SHPRH: variants seen among roughly 807,000 people sequenced by gnomAD.
SHPRH encodes the protein E3 ubiquitin-protein ligase SHPRH.
Under a neutral mutation model 202.5 loss-of-function variants are expected in SHPRH, and 106 were observed. The ratio of observed to expected loss-of-function variants is 0.52; its 90% CI spans 0.45 to 0.62. The LOEUF is 0.62. Among genes scored for constraint, SHPRH ranks in the 20% least tolerant of loss-of-function variants. The pLI is 0.00. For missense variants in SHPRH, 1,710 were observed against 2,020.0 expected, an observed-to-expected ratio of 0.85 and a Z score of 2.94; for synonymous variants, 729 against 686.0, an observed-to-expected ratio of 1.06 and a Z score of -0.98.
intron 1 of SHPRH, among the ~76,000 whole-genome samples, chr6:145,958,133 A>G (rs1232114471): frequency 6.6e-6 from 1 of 152,202 alleles, no homozygotes; most frequent in Non-Finnish European, 1.5e-5. Flanking sequence ...TGCAGAAAGT[A>G]GATGAGTGGT....
intron 2 of SHPRH, among the ~76,000 whole-genome samples, chr6:145,879,390 T>C (rs1021399734): frequency 1.3e-5 from 2 of 152,310 alleles, no homozygotes; most frequent in African/African-American, 4.8e-5. Context: ...CCATATATTT[T>C]GGGAGAAAGA....
chr6:145,905,760 T>G (rs1782905146), intron 25 of SHPRH: 1 of 152,036 alleles, frequency 6.6e-6, no homozygotes, highest in Admixed American at 6.6e-5. Flanking sequence ...GACTGTAAAA[T>G]GTATTCAGGG....
At chr6:145,896,684 T>C (rs1782040877) in intron 25 of SHPRH, among the ~76,000 whole-genome samples, 1 of 152,000 alleles carries the variant, frequency 6.6e-6, no homozygotes, top group African/African-American at 2.4e-5. Context: ...AAATCAAGAC[T>C]GAAATTACAT....
intron 8 of SHPRH, among the ~76,000 whole-genome samples, chr6:145,944,885 C>G (rs1163790132): frequency 6.6e-6 from 1 of 151,416 alleles, no homozygotes; most frequent in Non-Finnish European, 1.5e-5. Flanking sequence ...TAGTGAGAAC[C>G]CCGTCTCTAC....
At chr6:145,908,428 T>C (rs1783169924) in intron 25 of SHPRH, 1 of 152,174 alleles carries the variant, frequency 6.6e-6, no homozygotes, top group African/African-American at 2.4e-5. Context: ...CAGCATCTAT[T>C]GTTTGTTGAC....
intron 2 of SHPRH, among the ~76,000 whole-genome samples, chr6:145,871,970 G>A (rs1333604502): frequency 6.6e-6 from 1 of 152,126 alleles, no homozygotes; most frequent in Non-Finnish European, 1.5e-5. Context: ...TTAATAAATG[G>A]TGCTGGGAGA....
chr6:145,869,050 A>G (rs1321208616), intron 2 of SHPRH, among the ~76,000 whole-genome samples: 1 of 152,054 alleles, frequency 6.6e-6, no homozygotes, highest in East Asian at 1.9e-4. Flanking sequence ...ACCAGCGTTT[A>G]TTATTGTCAG....
At chr6:145,869,066 T>C (rs1032174710) in intron 2 of SHPRH, among the ~76,000 whole-genome samples, 5 of 152,212 alleles carry the variant, frequency 3.3e-5, no homozygotes, top group African/African-American at 4.8e-5. Flanking sequence ...GTCAGTGTTT[T>C]AGATTTTGGC....
downstream of SHPRH, among the ~76,000 whole-genome samples, chr6:145,882,133 C>G (rs1410005147): frequency 6.6e-6 from 1 of 151,642 alleles, no homozygotes; most frequent in South Asian, 2.1e-4. Flanking sequence ...AGATCTTTAT[C>G]TTGCTTGAAA....
At chr6:145,939,536 T>C (rs569833899) in intron 11 of SHPRH, among the ~76,000 whole-genome samples, 1 of 152,080 alleles carries the variant, frequency 6.6e-6, no homozygotes, top group African/African-American at 2.4e-5. Flanking sequence ...TCTCTCAACA[T>C]TAAAATGAGA....
chr6:145,889,443 G>T (rs954156470), intron 28 of SHPRH, among the ~76,000 whole-genome samples: 1 of 152,094 alleles, frequency 6.6e-6, no homozygotes, highest in Non-Finnish European at 1.5e-5. Context: ...TATATGACAG[G>T]TTGAGTATCC....
rs1787264296 is a variant in SHPRH at position 145,945,421 on chromosome 6, T to C, written c.1538A>G (p.Asn513Ser). ...GFSGTFTLGK[N>S]YKEEDICDKT... is the part of the protein sequence containing the mutation. Reference sequence around the variant, plus strand: ...ATCACATATATCCTCTTCCTTGTAATTCTTTCCCAATGTAAAAGTCCCAGA... The same window carrying C: ...ATCACATATATCCTCTTCCTTGTAACTCTTTCCCAATGTAAAAGTCCCAGA... The change falls in exon 8 of 30, where the codon AAT becomes AGT. Residue 513 changes from asparagine (N) to serine (S), a missense_variant. Coordinates refer to ENST00000275233, the MANE Select transcript of SHPRH (RefSeq NM_001042683.3). The C allele has an allele frequency of 6.2e-7, 1 of 1,612,766 alleles. No individual in the cohort carries two copies. Among genetic ancestry groups the C allele is most frequent in the Non-Finnish European group, 8.5e-7 (1 of 1,179,422 alleles).
chr6:145,889,736 A>C (rs1781424111), intron 28 of SHPRH, among the ~76,000 whole-genome samples: 1 of 152,226 alleles, frequency 6.6e-6, no homozygotes, highest in South Asian at 2.1e-4. Flanking sequence ...CAGGCAAAAC[A>C]CTTGAAGCAT....
intron 3 of SHPRH, among the ~76,000 whole-genome samples, chr6:145,950,919 G>A (rs1787911747): frequency 6.6e-6 from 1 of 152,044 alleles, no homozygotes. Flanking sequence ...AACTCAATGT[G>A]AATACTGTTT....
Position 145,940,717 on chromosome 6 carries a change from C to A in SHPRH, c.2569+6G>T, listed in dbSNP as rs77071895. 3,309 of 1,613,128 alleles carry A rather than the reference C, an allele frequency of 2.1e-3. 50 individuals are homozygous for A. In the East Asian group the frequency reaches 0.033, roughly 16 times the overall value. On this transcript the variant is annotated splice_donor_region_variant and intron_variant, in intron 11 of 29. Transcript: ENST00000275233. ...GCATGCAATATGTGAGGAAACCATA[C>A]ATTACCCTCTAATCCTCTCTGTACT...
At chr6:145,900,920 T>C (rs963225567) in intron 25 of SHPRH, among the ~76,000 whole-genome samples, 4 of 152,144 alleles carry the variant, frequency 2.6e-5, no homozygotes, top group African/African-American at 7.2e-5. Flanking sequence ...ATGCAGAATC[T>C]GCAAATGTGG....
downstream of SHPRH, among the ~76,000 whole-genome samples, chr6:145,882,319 T>G (rs1780637858): frequency 6.6e-6 from 1 of 152,110 alleles, no homozygotes; most frequent in Non-Finnish European, 1.5e-5. Flanking sequence ...TTGCACCCTA[T>G]CATGCTGGCA....
At chr6:145,922,389 C>A in intron 19 of SHPRH, 41 bp from the exon 20 acceptor site, 1 of 1,534,760 alleles carries the variant, frequency 6.5e-7, no homozygotes, top group Non-Finnish European at 8.7e-7. Flanking sequence ...ACAAACATAA[C>A]CAGCAATCTG....
At chr6:145,888,920 A>G (rs1344156755) in intron 28 of SHPRH, among the ~76,000 whole-genome samples, 2 of 152,172 alleles carry the variant, frequency 1.3e-5, no homozygotes, top group Non-Finnish European at 2.9e-5. Flanking sequence ...AAAATATAGA[A>G]GAGTCCGAGA....
Sources: gnomAD v4.1 joint callset for allele counts (sites outside exome capture counted in the v4.1 genomes callset) on GRCh38, gnomAD v4.1.1 for gene constraint, MANE v1.5 for transcripts, NCBI Gene and HGNC (gene_info 2026-07-23, HGNC 2026-07-21) for gene names.